Variants in TMTC2 observed in about 807,000 individuals in gnomAD.
TMTC2 encodes transmembrane O-mannosyltransferase targeting cadherins 2.
Under a neutral mutation model 82.4 loss-of-function variants are expected in TMTC2, and 43 were observed. The ratio of observed to expected loss-of-function variants is 0.52; its 90% CI spans 0.41 to 0.67. The LOEUF (loss-of-function observed/expected upper bound fraction) is 0.67, where lower values mean the gene tolerates loss of function less well. Ranked by LOEUF, TMTC2 falls within the 30% of genes least tolerant of loss-of-function variation. The pLI is 0.00. For missense variants in TMTC2, 919 were observed against 1,012.4 expected (o/e 0.91, Z 1.25); for synonymous variants, 408 against 381.9 (o/e 1.07, Z -0.80).
chr12:82,822,316 T>G (rs1229690518), intron 1 of TMTC2, among the ~76,000 whole-genome samples: 1 of 152,154 alleles, frequency 6.6e-6, no homozygotes, highest in Non-Finnish European at 1.5e-5. Flanking sequence ...AATAATGATG[T>G]GTGACTTCAG....
intron 1 of TMTC2, among the ~76,000 whole-genome samples, chr12:82,765,816 A>G (rs73356361): frequency 0.015 from 2,282 of 152,316 alleles, 61 homozygotes; most frequent in African/African-American, 0.052. Flanking sequence ...GAAAAAGAAA[A>G]GAAGAAAAGG....
chr12:82,889,286 G>C (rs951193920), intron 2 of TMTC2, among the ~76,000 whole-genome samples: 2 of 151,270 alleles, frequency 1.3e-5, no homozygotes, highest in Non-Finnish European at 2.9e-5. Flanking sequence ...AAAAAAAAGT[G>C]TAGGAAATGA....
chr12:82,718,101 TCAAGGTCATTGC>T (rs1428613644), intron 1 of TMTC2, among the ~76,000 whole-genome samples: 1 of 152,128 alleles, frequency 6.6e-6, no homozygotes, highest in African/African-American at 2.4e-5. Flanking sequence ...ATCCTACTGC[TCAAGGTCATTGC>T]CAAGGTCTGA....
At chr12:82,774,207 G>A (rs1200202788) in intron 1 of TMTC2, among the ~76,000 whole-genome samples, 2 of 152,028 alleles carry the variant, frequency 1.3e-5, no homozygotes, top group Non-Finnish European at 2.9e-5. Flanking sequence ...ATATGTACAC[G>A]TGTACACAAA....
chr12:82,780,997 T>G (rs1877877260), intron 1 of TMTC2, among the ~76,000 whole-genome samples: 1 of 152,096 alleles, frequency 6.6e-6, no homozygotes, highest in Admixed American at 6.6e-5. Context: ...TTTTCTAAAC[T>G]ACAGTTTCTT....
At chr12:82,718,826 T>A (rs1292854810) in intron 1 of TMTC2, among the ~76,000 whole-genome samples, 1 of 151,952 alleles carries the variant, frequency 6.6e-6, no homozygotes, top group Admixed American at 6.6e-5. Context: ...ATAGGAAGTT[T>A]TAGACAAGTT....
At chr12:83,066,967 TG>T (rs1882941057) in intron 11 of TMTC2, among the ~76,000 whole-genome samples, 1 of 151,852 alleles carries the variant, frequency 6.6e-6, no homozygotes, top group Non-Finnish European at 1.5e-5. Context: ...GATAGAGATG[TG>T]GGAGTCATTT....
intron 3 of TMTC2, among the ~76,000 whole-genome samples, chr12:82,912,552 A>G (rs1874736559): frequency 6.6e-6 from 1 of 152,234 alleles, no homozygotes; most frequent in Admixed American, 6.5e-5. Context: ...TGAGATTTGC[A>G]AACAAGTTTT....
At chr12:82,733,416 T>G (rs1874932778) in intron 1 of TMTC2, among the ~76,000 whole-genome samples, 1 of 152,212 alleles carries the variant, frequency 6.6e-6, no homozygotes, top group Non-Finnish European at 1.5e-5. Flanking sequence ...TTGCAGTATT[T>G]AGGGCCCTAT....
intron 8 of TMTC2, among the ~76,000 whole-genome samples, chr12:83,002,028 T>C (rs1304465054): frequency 6.6e-6 from 1 of 152,200 alleles, no homozygotes; most frequent in Non-Finnish European, 1.5e-5. Flanking sequence ...TTCTCCTCAG[T>C]TTTTTGGGAT....
intron 1 of TMTC2, among the ~76,000 whole-genome samples, chr12:82,822,247 A>C (rs1869158253): frequency 6.6e-6 from 1 of 152,204 alleles, no homozygotes; most frequent in Non-Finnish European, 1.5e-5. Context: ...CATTTGCCCA[A>C]ATCCATAGAA....
chr12:82,699,272 C>T (rs1271474349), intron 1 of TMTC2, among the ~76,000 whole-genome samples: 1 of 152,182 alleles, frequency 6.6e-6, no homozygotes, highest in African/African-American at 2.4e-5. Flanking sequence ...ATTACAAAAG[C>T]AGTTTTTGTT....
At chr12:82,876,028 C>CGGTGGTGGTGGTGGTGGCGGTGGTGGT (rs1872477152) in intron 2 of TMTC2, among the ~76,000 whole-genome samples, 1 of 83,484 alleles carries the variant, frequency 1.2e-5, no homozygotes, top group East Asian at 3.6e-4. Flanking sequence ...GTAGTGGTGG[C>CGGTGGTGGTGGTGGTGGCGGTGGTGGT]GGTGGTGGTG....
chr12:82,896,462 A>G lies in TMTC2; in HGVS notation c.1299A>G (p.Leu433=), dbSNP rs1461013414. ...ATATTCCTAGTATGGGCTTCTGCCT[A>G]CTGATTACAGTGGGTGCTAGAGCCC... ...VLYIPSMGFC[L]LITVGARALY... The change falls in exon 3 of 12, where the codon CTA becomes CTG. Residue 433 remains leucine (L), a synonymous_variant. Coordinates refer to ENST00000321196, the MANE Select transcript of TMTC2 (RefSeq NM_152588.3). The G allele has an allele frequency of 6.2e-7, 1 of 1,614,122 alleles. No individual in the cohort carries two copies. Among genetic ancestry groups the G allele is most frequent in the South Asian group, 1.1e-5 (1 of 91,080 alleles).
chr12:83,023,818 G>C (rs1881044815), intron 8 of TMTC2, among the ~76,000 whole-genome samples: 1 of 152,150 alleles, frequency 6.6e-6, no homozygotes, highest in Admixed American at 6.5e-5. Flanking sequence ...ATGAGCTTAA[G>C]TCCTATGACA....
chr12:82,864,748 G>A (rs1362257176), intron 2 of TMTC2, among the ~76,000 whole-genome samples: 7 of 151,344 alleles, frequency 4.6e-5, no homozygotes, highest in African/African-American at 1.5e-4. Context: ...TGATCCGCCC[G>A]CCTTGGCCTC....
At chr12:83,070,508 A>G (rs886113194) in intron 11 of TMTC2, among the ~76,000 whole-genome samples, 2 of 151,998 alleles carry the variant, frequency 1.3e-5, no homozygotes, top group African/African-American at 4.8e-5. Context: ...CTGTTGGTGT[A>G]TAGAAGAGCT....
intron 9 of TMTC2, among the ~76,000 whole-genome samples, chr12:83,044,915 C>G (rs1313345547): frequency 6.6e-6 from 1 of 152,142 alleles, no homozygotes; most frequent in African/African-American, 2.4e-5. Context: ...TTTTACAAAG[C>G]AGGATTTGAG....
At chr12:82,771,934 A>C (rs1188665664) in intron 1 of TMTC2, among the ~76,000 whole-genome samples, 1 of 152,184 alleles carries the variant, frequency 6.6e-6, no homozygotes, top group Non-Finnish European at 1.5e-5. Context: ...CCATATTTGC[A>C]CTAGAATATG....
Sources: gnomAD v4.1 joint callset for allele counts (sites outside exome capture counted in the v4.1 genomes callset) on GRCh38, gnomAD v4.1.1 for gene constraint, MANE v1.5 for transcripts, NCBI Gene and HGNC (gene_info 2026-07-23, HGNC 2026-07-21) for gene names.